ISG20L2: variants seen among roughly 807,000 people sequenced by gnomAD.
ISG20L2 encodes interferon stimulated exonuclease gene 20 like 2.
ISG20L2 carries 14 observed loss-of-function variants against 27.8 expected under a neutral mutation model. The observed-to-expected ratio is 0.50, with a 90% CI of 0.33 to 0.79. The LOEUF is 0.79. Among genes scored for constraint, ISG20L2 ranks in the 30% least tolerant of loss-of-function variants. The probability of loss-of-function intolerance (pLI) is 0.02; values close to 1 mark genes in which losing one functional copy is unlikely to be tolerated. For missense variants in ISG20L2, 393 were observed against 435.1 expected, an observed-to-expected ratio of 0.90 and a Z score of 0.86; for synonymous variants, 157 against 165.7, an observed-to-expected ratio of 0.95 and a Z score of 0.40.
In ISG20L2 at chr1:156,723,294, T is replaced by C. The variant is rs1648613242; in HGVS notation, c.*55A>G. 2 of 1,608,392 alleles carry C rather than the reference T, an allele frequency of 1.2e-6. No homozygotes were observed. Among genetic ancestry groups the C allele is most frequent in the Non-Finnish European group, 8.5e-7 (1 of 1,176,546 alleles). ...GGAGCTGTCCATTGGTCCACTGCCC[T>C]GTTTCTCCTGGGTGCTGCCTCTGCC... On this transcript the variant is annotated 3_prime_UTR_variant, in exon 4 of 4. Transcript: ENST00000368219.
chr1:156,723,818 T>A, intron 3 of ISG20L2: 1 of 1,238,412 alleles, frequency 8.1e-7, no homozygotes, highest in Non-Finnish European at 1.0e-6. Flanking sequence ...TCCTGCCAGA[T>A]GGGCCACCCT....
intron 2 of ISG20L2, chr1:156,724,988 GT>G (rs1648688763): frequency 6.7e-6 from 1 of 150,096 alleles, no homozygotes; most frequent in Non-Finnish European, 1.5e-5. Flanking sequence ...GTCTTGCTCT[GT>G]TGCCCAGGCT....
chr1:156,727,714 G>A lies in ISG20L2; in HGVS notation c.-62C>T, dbSNP rs939862844. 2 of 1,556,720 alleles carry A rather than the reference G, an allele frequency of 1.3e-6. No individual in the cohort carries two copies. The highest frequency in any genetic ancestry group is 1.7e-6 in the Non-Finnish European group (2 of 1,158,898). ...TGGCTTATGGATGAAAAGAGGATGT[G>A]GGACTCATTCTCTGCTGAATCCTAC... On this transcript the variant is annotated 5_prime_UTR_variant, in exon 2 of 4. Transcript: ENST00000368219.
rs1448782344 is a variant in ISG20L2 at position 156,723,076 on chromosome 1, TG to T, written c.*272del. 3 of 387,706 alleles carry T rather than the reference TG, an allele frequency of 7.7e-6. No homozygotes were observed. The highest frequency in any genetic ancestry group is 7.7e-5 in the Admixed American group (2 of 25,928). The allele number at this position is 387,706 out of a possible 1,614,324, so 24.0% of individuals were successfully genotyped here. On this transcript the variant is annotated 3_prime_UTR_variant, in exon 4 of 4. Coordinates refer to ENST00000368219, the MANE Select transcript of ISG20L2 (RefSeq NM_001370150.2). Reference sequence around the variant, plus strand: ...AAATCTTAACTGGCACAGAGCACCCTGGGACACCTGTGGTTAGCACCATTTA... The same window carrying T: ...AAATCTTAACTGGCACAGAGCACCCTGGACACCTGTGGTTAGCACCATTTA...
At chr1:156,726,756 C>G in intron 2 of ISG20L2, 150 bp downstream of exon 2, 3 of 1,447,106 alleles carry the variant, frequency 2.1e-6, no homozygotes, top group Non-Finnish European at 2.7e-6. Context: ...GCTTCTTCCA[C>G]CGACAGGGGG....
intron 2 of ISG20L2, chr1:156,726,155 T>C (rs908135762): frequency 3.8e-5 from 37 of 985,420 alleles, no homozygotes; most frequent in Middle Eastern, 1.0e-3. Flanking sequence ...CCTGTTCCAG[T>C]TGGACAATAT....
chr1:156,726,589 G>T, intron 2 of ISG20L2: 1 of 832,328 alleles, frequency 1.2e-6, no homozygotes, highest in Non-Finnish European at 1.4e-6. Context: ...CCGCTATGTT[G>T]CCCAGACAGG....
intron 2 of ISG20L2, chr1:156,725,993 A>T (rs766875896): frequency 1.0e-6 from 1 of 985,440 alleles, no homozygotes; most frequent in Non-Finnish European, 1.2e-6. Context: ...TGAGACCAGC[A>T]GGTCTCTTGC....
In ISG20L2 at chr1:156,726,953, T is replaced by G; in HGVS notation, c.700A>C (p.Lys234Gln). The G allele has an allele frequency of 6.2e-7, 1 of 1,614,188 alleles. No individual in the cohort carries two copies. Among genetic ancestry groups the G allele is most frequent in the South Asian group, 1.1e-5 (1 of 91,082 alleles). Residue 234 changes from lysine (K) to glutamine (Q), a missense_variant, in exon 2 of 4, where the codon AAG (lysine) becomes CAG (glutamine). Physicochemically the swap from Lys to Gln is moderately conservative, Grantham distance 53. This residue lies in a region of ISG20L2 where 171 missense variants were observed against 195.3 expected (regional missense o/e 0.88). Transcript: ENST00000368219. Reference protein sequence around the residue: ...DYRTRWSGIRKQHMVNATPFK... With the variant: ...DYRTRWSGIRQQHMVNATPFK... ...GGTGTGGCATTCACCATGTGCTGCT[T>G]CCGGATACCACTCCACCTGGTTCGG... is the stretch of plus-strand genomic sequence containing the variant.
chr1:156,724,080 G>A, intron 3 of ISG20L2, 68 bp downstream of exon 3: 1 of 1,398,370 alleles, frequency 7.2e-7, no homozygotes, highest in Non-Finnish European at 1.0e-6. Context: ...TCTGAGATCA[G>A]AGTCTGGCTA....
chr1:156,727,164 A>G lies in ISG20L2; in HGVS notation c.489T>C (p.His163=), dbSNP rs759740158. The change falls in exon 2 of 4, where the codon CAT becomes CAC. Residue 163 remains histidine (H), a synonymous_variant. Transcript: ENST00000368219. ...KNAPQNSTQA[H]SENKCSGASQ... is the part of the protein sequence containing the mutation. ...ATGCTCCGGAGCATTTATTCTCTGAATGAGCTTGGGTGGAGTTCTGTGGGG... is the reference window on the plus strand; with the variant it reads ...ATGCTCCGGAGCATTTATTCTCTGAGTGAGCTTGGGTGGAGTTCTGTGGGG... 5.0e-6 allele frequency: 8 copies of G among 1,613,992 alleles called. No individual in the cohort carries two copies. The highest frequency in any genetic ancestry group is 6.8e-6 in the Non-Finnish European group (8 of 1,180,026).
intron 2 of ISG20L2, chr1:156,726,486 TG>T (rs1233824174): frequency 2.2e-6 from 2 of 895,556 alleles, no homozygotes; most frequent in African/African-American, 3.6e-5. Flanking sequence ...GCAGTGGCAG[TG>T]GTGTGATCTC....
Position 156,722,317 on chromosome 1 carries a change from AGT to A in ISG20L2, c.*1030_*1031del, listed in dbSNP as rs1481328964. The stretch of plus-strand genomic sequence containing the variant: ...GCTCTGTGGCCGTGGCCCAGGCTGG[AGT>A]GCAGTGGCACAATCTCGGCTCACTG... On this transcript the variant is annotated 3_prime_UTR_variant, in exon 4 of 4. Coordinates refer to ENST00000368219, the MANE Select transcript of ISG20L2 (RefSeq NM_001370150.2). 6.6e-6 allele frequency: 1 copy of A among 151,072 alleles called. No individual in the cohort carries two copies. The highest frequency in any genetic ancestry group is 6.6e-5 in the Admixed American group (1 of 15,092). 9.4% of individuals were successfully genotyped at this position (151,072 alleles called of 1,614,324 possible). A position where few individuals can be genotyped will look rare whatever the true frequency, so the allele number is the denominator to read the frequency against.
At position 156,728,501 on chromosome 1, in the gene ISG20L2, G is replaced by A; in HGVS notation, c.-204C>T. Reference sequence around the variant, plus strand: ...GCCGACGAAGCCCGGGAAGGCAGGCGCGCGGGTTAGAACGCGCCAGAGGTC... The same window carrying A: ...GCCGACGAAGCCCGGGAAGGCAGGCACGCGGGTTAGAACGCGCCAGAGGTC... On this transcript the variant is annotated 5_prime_UTR_variant, in exon 1 of 4. Transcript: ENST00000368219. The A allele has an allele frequency of 1.0e-6, 1 of 985,576 alleles. No homozygotes were observed. Among genetic ancestry groups the A allele is most frequent in the Non-Finnish European group, 1.2e-6 (1 of 829,904 alleles). 61.1% of individuals were successfully genotyped at this position (985,576 alleles called of 1,614,324 possible). A position where few individuals can be genotyped will look rare whatever the true frequency, so the allele number is the denominator to read the frequency against.
In ISG20L2 at chr1:156,727,358, A is replaced by C; in HGVS notation, c.295T>G (p.Ser99Ala). The C allele has an allele frequency of 1.9e-6, 3 of 1,614,130 alleles. No individual in the cohort carries two copies. Among genetic ancestry groups the C allele is most frequent in the Non-Finnish European group, 2.5e-6 (3 of 1,180,010 alleles). The change falls in exon 2 of 4, where the codon TCT (serine) becomes GCT (alanine). Residue 99 changes from serine to alanine, a missense_variant. Ser to Ala is a moderately conservative substitution (Grantham distance 99, BLOSUM62 1). This residue lies in a region of ISG20L2 where 183 missense variants were observed against 168.2 expected (regional missense o/e 1.09). Coordinates refer to ENST00000368219, the MANE Select transcript of ISG20L2 (RefSeq NM_001370150.2). Reference protein sequence around the residue: ...GQPLDKKAAVSWLTPAPSKKA... With the variant: ...GQPLDKKAAVAWLTPAPSKKA... ...TTTGAAGGGGCAGGGGTCAACCAAGACACTGCAGCTTTCTTGTCCAGGGGC... is the reference window on the plus strand; with the variant it reads ...TTTGAAGGGGCAGGGGTCAACCAAGCCACTGCAGCTTTCTTGTCCAGGGGC...
chr1:156,723,459 C>A lies in ISG20L2; in HGVS notation c.952G>T (p.Gly318Trp). ...TCCACAGAGGAATGTCCGCTCTTCC[C>A]AACCTGAGCAAGCAAGGAAGACAAG... Reference protein sequence around the residue: ...KKLLNRDIQVGKSGHSSVEDA... With the variant: ...KKLLNRDIQVWKSGHSSVEDA... Residue 318 changes from glycine (G) to tryptophan (W), a missense_variant, in exon 4 of 4, where the codon GGG (glycine) becomes TGG (tryptophan). Gly to Trp is a radical substitution (Grantham distance 184). This residue lies in a region of ISG20L2 where 171 missense variants were observed against 195.3 expected (regional missense o/e 0.88). Coordinates refer to ENST00000368219, the MANE Select transcript of ISG20L2 (RefSeq NM_001370150.2). 2 of 1,614,062 alleles carry A rather than the reference C, an allele frequency of 1.2e-6. No homozygotes were observed. Among genetic ancestry groups the A allele is most frequent in the South Asian group, 2.2e-5 (2 of 91,080 alleles).
Position 156,724,056 on chromosome 1 carries a change from A to C in ISG20L2, c.948+92T>G, listed in dbSNP as rs1448469231. On this transcript the variant is annotated intron_variant, in intron 3 of 3. Coordinates refer to ENST00000368219, the MANE Select transcript of ISG20L2 (RefSeq NM_001370150.2). ...ATCACAGCAGCCCACCTGGATCTCT[A>C]CAACCACAGGACTTCTGAGATCAGA... 5.5e-6 allele frequency: 7 copies of C among 1,266,298 alleles called. No homozygotes were observed. The African/African-American group carries it at 1.0e-4, about 19-fold the overall frequency. The allele number at this position is 1,266,298 out of a possible 1,614,324, so 78.4% of individuals were successfully genotyped here. A position where few individuals can be genotyped will look rare whatever the true frequency, so the allele number is the denominator to read the frequency against.
intron 1 of ISG20L2, chr1:156,728,133 C>CAAAAA: frequency 1.0e-6 from 1 of 989,030 alleles, no homozygotes; most frequent in Non-Finnish European, 1.2e-6. Context: ...TAGGTATGCT[C>CAAAAA]AAAAACAGTG....
At position 156,727,239 on chromosome 1, in the gene ISG20L2, CT is replaced by C; in HGVS notation, c.413del (p.Lys138ArgfsTer101). The C allele has an allele frequency of 6.2e-7, 1 of 1,614,048 alleles. No homozygotes were observed. The highest frequency in any genetic ancestry group is 1.1e-5 in the South Asian group (1 of 91,088). On this transcript the variant is annotated frameshift_variant, in exon 2 of 4. Transcript: ENST00000368219. LOFTEE classifies it high-confidence loss of function. ...TAGAGGATTTCTTCTGGGAGCTCTT[CT>C]TCTGAGAGCGGGTTGGGTGGCTATT... ...KINSHPTRSQ[K>X]KSSQKKSSKK...
Sources: allele counts gnomAD v4.1 joint callset, GRCh38; gene constraint gnomAD v4.1.1; regional missense constraint gnomAD v4.1.1; transcripts MANE v1.5; gene names NCBI Gene and HGNC (gene_info 2026-07-23, HGNC 2026-07-21).